LATS1: variants seen among roughly 807,000 people sequenced by gnomAD.
LATS1 encodes the protein large tumor suppressor kinase 1, also known as serine/threonine-protein kinase LATS1.
LATS1 carries 25 observed loss-of-function variants against 106.6 expected under a neutral mutation model. The ratio of observed to expected loss-of-function variants is 0.23; its 90% CI spans 0.17 to 0.33. LATS1 has a LOEUF of 0.33. Among genes scored for constraint, LATS1 ranks in the 10% least tolerant of loss-of-function variants. The pLI is 1.00. For synonymous variants in LATS1, 465 were observed against 455.6 expected, an observed-to-expected ratio of 1.02 and a Z score of -0.26; for missense variants, 1,040 against 1,382.6, an observed-to-expected ratio of 0.75 and a Z score of 3.93.
Position 149,684,451 on chromosome 6 carries a change from C to T in LATS1, c.638G>A (p.Arg213Lys), listed in dbSNP as rs751222185. 6.2e-7 allele frequency: 1 copy of T among 1,614,058 alleles called. No individual in the cohort carries two copies. Among genetic ancestry groups the T allele is most frequent in the Non-Finnish European group, 8.5e-7 (1 of 1,179,990 alleles). The change falls in exon 4 of 8, where the codon AGA becomes AAA. Residue 213 changes from arginine (R) to lysine (K), a missense_variant. Coordinates refer to ENST00000543571, the MANE Select transcript of LATS1 (RefSeq NM_004690.4). ...TGATATACCAGATCCAGACAAAGGT[C>T]TTCCTACATCTGTCTGTGAGTTGGG... The part of the protein sequence containing the change: ...ESPNSQTDVG[R>K]PLSGSGISAF...
At chr6:149,703,962 A>G (rs370275447) in intron 1 of LATS1, among the ~76,000 whole-genome samples, 2 of 152,250 alleles carry the variant, frequency 1.3e-5, no homozygotes, top group African/African-American at 4.8e-5. Flanking sequence ...CAAGTAATTC[A>G]TAGTACATTT....
At chr6:149,711,106 A>T (rs993032524) in intron 1 of LATS1, among the ~76,000 whole-genome samples, 26 of 152,138 alleles carry the variant, frequency 1.7e-4, no homozygotes, top group African/African-American at 6.3e-4. Flanking sequence ...TGAGAGGAGG[A>T]GGAATAGACG....
chr6:149,678,747 T>C (rs1781871185), intron 5 of LATS1, among the ~76,000 whole-genome samples: 1 of 152,166 alleles, frequency 6.6e-6, no homozygotes, highest in African/African-American at 2.4e-5. Context: ...ACATGGGCCC[T>C]GAAATCAGAC....
At chr6:149,680,509 TA>T (rs1781977615) in intron 4 of LATS1, 52 bp from the exon 5 acceptor site, 1 of 1,274,116 alleles carries the variant, frequency 7.8e-7, no homozygotes, top group African/African-American at 1.5e-5. Context: ...CAATATTGAA[TA>T]TTAAGAAATA....
intron 3 of LATS1, among the ~76,000 whole-genome samples, chr6:149,690,605 G>A (rs983898419): frequency 7.3e-5 from 11 of 151,024 alleles, no homozygotes; most frequent in South Asian, 6.3e-4. Context: ...GGAGTGCAGC[G>A]GCGCAATCAC....
chr6:149,687,068 A>C (rs2114846772), intron 3 of LATS1, among the ~76,000 whole-genome samples: 1 of 151,440 alleles, frequency 6.6e-6, no homozygotes, highest in East Asian at 2.0e-4. Context: ...ATTAAGTAGC[A>C]ACCTCACCAA....
At chr6:149,686,722 G>A (rs1401132218) in intron 3 of LATS1, among the ~76,000 whole-genome samples, 1 of 152,036 alleles carries the variant, frequency 6.6e-6, no homozygotes, top group African/African-American at 2.4e-5. Flanking sequence ...ATGCTATGTG[G>A]GAGGCCACAC....
At chr6:149,700,885 G>A (rs9505986) in intron 2 of LATS1, among the ~76,000 whole-genome samples, 4,556 of 152,312 alleles carry the variant, frequency 0.03, 207 homozygotes, top group African/African-American at 0.1. Flanking sequence ...CCGGGTTCAA[G>A]AGATTATCCT....
intron 1 of LATS1, among the ~76,000 whole-genome samples, chr6:149,712,417 C>T (rs1441790558): frequency 2.0e-5 from 3 of 152,106 alleles, no homozygotes; most frequent in African/African-American, 7.2e-5. Flanking sequence ...AGGCTGGTCT[C>T]GAACTCCCGA....
At chr6:149,710,080 A>G (rs1284167201) in intron 1 of LATS1, among the ~76,000 whole-genome samples, 1 of 152,172 alleles carries the variant, frequency 6.6e-6, no homozygotes, top group South Asian at 2.1e-4. Context: ...GAATCTACCT[A>G]TGACCTGGAA....
chr6:149,670,751 A>T (rs1459073834), intron 7 of LATS1, among the ~76,000 whole-genome samples: 1 of 152,040 alleles, frequency 6.6e-6, no homozygotes, highest in East Asian at 1.9e-4. Flanking sequence ...TTAAAGAAAC[A>T]TGTCAGGTCA....
chr6:149,702,238 A>G lies in LATS1; in HGVS notation c.-112T>C. The G allele has an allele frequency of 1.6e-6, 1 of 627,006 alleles. No homozygotes were observed. Among genetic ancestry groups the G allele is most frequent in the South Asian group, 2.2e-5 (1 of 45,252 alleles). The allele number at this position is 627,006 out of a possible 1,614,324, so 38.8% of individuals were successfully genotyped here. ...CTTCAAGGAAGTCCCCAGGACTGTTAAAATTCTTTACAATATAAATAATTA... is the reference window on the plus strand; with the variant it reads ...CTTCAAGGAAGTCCCCAGGACTGTTGAAATTCTTTACAATATAAATAATTA... On this transcript the variant is annotated 5_prime_UTR_variant, in exon 2 of 8. Coordinates refer to ENST00000543571, the MANE Select transcript of LATS1 (RefSeq NM_004690.4).
At chr6:149,684,870 T>C (rs1782274515) in intron 3 of LATS1, among the ~76,000 whole-genome samples, 1 of 152,004 alleles carries the variant, frequency 6.6e-6, no homozygotes, top group African/African-American at 2.4e-5. Context: ...TGGCTCAATT[T>C]AGCAAAAAAA....
chr6:149,701,464 C>T (rs901434308), intron 2 of LATS1, among the ~76,000 whole-genome samples: 4 of 152,210 alleles, frequency 2.6e-5, no homozygotes, highest in African/African-American at 9.6e-5. Context: ...GTATTTCACA[C>T]AAACAGATGT....
Position 149,662,060 on chromosome 6 carries a change from T to A in LATS1, c.3062A>T (p.Gln1021Leu). 1 of 1,614,150 alleles carries A rather than the reference T, an allele frequency of 6.2e-7. No individual in the cohort carries two copies. Among genetic ancestry groups the A allele is most frequent in the Non-Finnish European group, 8.5e-7 (1 of 1,179,982 alleles). ...TTTAGGAATGTATGAAGCAGACTGCTGTCTCAGGTCACTGGAGAAGTCAAT... is the reference window on the plus strand; with the variant it reads ...TTTAGGAATGTATGAAGCAGACTGCAGTCTCAGGTCACTGGAGAAGTCAAT... ...KTIDFSSDLR[Q>L]QSASYIPKIT... Residue 1021 changes from glutamine to leucine, a missense_variant, in exon 8 of 8, where the codon CAG becomes CTG. Gln to Leu is a moderately radical substitution (Grantham distance 113, BLOSUM62 -2). This residue lies in a region of LATS1 where 113 missense variants were observed against 146.3 expected (regional missense o/e 0.77). Transcript: ENST00000543571.
At chr6:149,715,791 T>C (rs1347308981) in intron 1 of LATS1, among the ~76,000 whole-genome samples, 2 of 152,238 alleles carry the variant, frequency 1.3e-5, no homozygotes, top group Non-Finnish European at 2.9e-5. Flanking sequence ...TGGTTAATAC[T>C]GGCATTACTA....
Position 149,683,317 on chromosome 6 carries a change from T to C in LATS1, c.1772A>G (p.Asp591Gly). ...ATTTTCATAACTCTTTTCACTCTCA[T>C]CTTCCTTGGGCAAGCTTGGCTGATC... ...KEDQPSLPKE[D>G]ESEKSYENVD... Residue 591 changes from aspartate (D) to glycine (G), a missense_variant, in exon 4 of 8, where the codon GAT becomes GGT. By Grantham distance (94) the Asp-to-Gly change is moderately conservative. Around this residue, in one of 7 missense-constraint regions of LATS1, gnomAD observed 167 missense variants for 332.1 expected, o/e 0.50. Transcript: ENST00000543571. 1 of 1,614,218 alleles carries C rather than the reference T, an allele frequency of 6.2e-7. No homozygotes were observed. The highest frequency in any genetic ancestry group is 8.5e-7 in the Non-Finnish European group (1 of 1,180,032).
rs1431700766 is a variant in LATS1 at position 149,659,161 on chromosome 6, G to A, written c.*2568C>T. The A allele has an allele frequency of 1.2e-5, 2 of 170,554 alleles. No homozygotes were observed. Among genetic ancestry groups the A allele is most frequent in the Non-Finnish European group, 2.5e-5 (2 of 78,572 alleles). 10.6% of individuals were successfully genotyped at this position (170,554 alleles called of 1,614,324 possible). A position where few individuals can be genotyped will look rare whatever the true frequency, so the allele number is the denominator to read the frequency against. On this transcript the variant is annotated 3_prime_UTR_variant, in exon 8 of 8. Coordinates refer to ENST00000543571, the MANE Select transcript of LATS1 (RefSeq NM_004690.4). ...ATGCAAAAAGCTTATAGTATCAGAG[G>A]AAATTTTAAAAGAATACATATTTGC...
chr6:149,662,333 T>C, intron 7 of LATS1, 95 bp from the exon 8 acceptor site: 1 of 1,074,398 alleles, frequency 9.3e-7, no homozygotes, highest in Non-Finnish European at 1.3e-6. Flanking sequence ...GGGCTATTTT[T>C]GTATTTTAAA....
Sources: gnomAD v4.1 joint callset for allele counts (sites outside exome capture counted in the v4.1 genomes callset) on GRCh38, gnomAD v4.1.1 for gene constraint, gnomAD v4.1.1 regional missense constraint, MANE v1.5 for transcripts, NCBI Gene and HGNC (gene_info 2026-07-23, HGNC 2026-07-21) for gene names.